Variants in VWC2 observed in about 807,000 individuals in gnomAD.
The protein encoded by VWC2 is brorin.
VWC2 carries 14 observed loss-of-function variants against 29.8 expected under a neutral mutation model. The ratio of observed to expected loss-of-function variants is 0.47; its 90% confidence interval spans 0.31 to 0.74. The LOEUF (loss-of-function observed/expected upper bound fraction) is 0.74, where lower values mean the gene tolerates loss of function less well. VWC2 is among the 30% of genes least tolerant of loss of function. The probability of loss-of-function intolerance (pLI) is 0.05; values close to 1 mark genes in which losing one functional copy is unlikely to be tolerated. For missense variants in VWC2, 457 were observed against 459.8 expected, an observed-to-expected ratio of 0.99 and a Z score of 0.05; for synonymous variants, 213 against 199.0, an observed-to-expected ratio of 1.07 and a Z score of -0.59.
intron 3 of VWC2, among the ~76,000 whole-genome samples, chr7:49,899,615 A>C (rs1011695245): frequency 1.3e-5 from 2 of 152,056 alleles, no homozygotes; most frequent in Non-Finnish European, 2.9e-5. Flanking sequence ...CAATTATTCA[A>C]GAAGACACAC....
chr7:49,778,545 G>T (rs752616570), intron 2 of VWC2, among the ~76,000 whole-genome samples: 1 of 152,196 alleles, frequency 6.6e-6, no homozygotes, highest in Non-Finnish European at 1.5e-5. Flanking sequence ...ACATTTCTAG[G>T]CATTCTGCTA....
chr7:49,827,049 C>A (rs974869005), intron 3 of VWC2, among the ~76,000 whole-genome samples: 1 of 152,018 alleles, frequency 6.6e-6, no homozygotes, highest in Admixed American at 6.5e-5. Context: ...TAAGAATACA[C>A]ATTTCATTTT....
At chr7:49,878,829 A>G (rs1221648124) in intron 3 of VWC2, among the ~76,000 whole-genome samples, 1 of 152,196 alleles carries the variant, frequency 6.6e-6, no homozygotes, top group African/African-American at 2.4e-5. Context: ...GTTGGAACAC[A>G]GCTACAGTTG....
At chr7:49,774,370 A>G (rs982161070) in intron 1 of VWC2, among the ~76,000 whole-genome samples, 4 of 152,144 alleles carry the variant, frequency 2.6e-5, no homozygotes, top group African/African-American at 4.8e-5. Flanking sequence ...CGGAGTGCGC[A>G]GAGTGGGGGC....
At chr7:49,866,947 GA>G (rs1790917338) in intron 3 of VWC2, among the ~76,000 whole-genome samples, 1 of 152,204 alleles carries the variant, frequency 6.6e-6, no homozygotes, top group Non-Finnish European at 1.5e-5. Flanking sequence ...CACAGACCCA[GA>G]AGCCCACCTG....
intron 3 of VWC2, among the ~76,000 whole-genome samples, chr7:49,864,847 T>C (rs1790812345): frequency 6.6e-6 from 1 of 152,196 alleles, no homozygotes; most frequent in Admixed American, 6.5e-5. Context: ...CCTCAAAGCT[T>C]TCCTGCCATT....
At chr7:49,782,996 G>T (rs1203764751) in intron 2 of VWC2, among the ~76,000 whole-genome samples, 2 of 152,204 alleles carry the variant, frequency 1.3e-5, no homozygotes, top group African/African-American at 2.4e-5. Context: ...GACAAGTTCT[G>T]CAGAGTGTGC....
At chr7:49,857,180 C>A (rs1790460558) in intron 3 of VWC2, among the ~76,000 whole-genome samples, 1 of 152,108 alleles carries the variant, frequency 6.6e-6, no homozygotes, top group African/African-American at 2.4e-5. Flanking sequence ...CAACAACTTT[C>A]TACTTACCCC....
At chr7:49,899,261 G>A (rs1792575586) in intron 3 of VWC2, among the ~76,000 whole-genome samples, 1 of 151,990 alleles carries the variant, frequency 6.6e-6, no homozygotes, top group Non-Finnish European at 1.5e-5. Context: ...TAGACAAGGG[G>A]ATGATTTATG....
intron 3 of VWC2, among the ~76,000 whole-genome samples, chr7:49,892,852 C>G (rs965384696): frequency 6.6e-6 from 1 of 152,172 alleles, no homozygotes; most frequent in Non-Finnish European, 1.5e-5. Flanking sequence ...CTTCTATGGT[C>G]AAGTGAATTT....
chr7:49,911,417 G>A (rs957222557), intron 3 of VWC2, among the ~76,000 whole-genome samples: 8 of 147,302 alleles, frequency 5.4e-5, no homozygotes, highest in African/African-American at 1.0e-4. Context: ...CGGAGGCAGA[G>A]GTTGCAGTGA....
Position 49,918,283 on chromosome 7 carries a change from G to A in VWC2, c.*6098G>A, listed in dbSNP as rs371245385. 4 of 152,246 alleles carry A rather than the reference G, an allele frequency of 2.6e-5. No homozygotes were observed. The East Asian group carries it at 5.8e-4, about 22-fold the overall frequency. 9.4% of individuals were successfully genotyped at this position (152,246 alleles called of 1,614,324 possible). ...GAATCCAAATCTGCTTTATATCAGA[G>A]CCCGTGATTTGAAGTCTTATCATTT... On this transcript the variant is annotated 3_prime_UTR_variant, in exon 4 of 4. Coordinates refer to ENST00000340652, the MANE Select transcript of VWC2 (RefSeq NM_198570.5).
chr7:49,789,174 A>G (rs964614459), intron 2 of VWC2, among the ~76,000 whole-genome samples: 1 of 121,576 alleles, frequency 8.2e-6, no homozygotes, highest in Non-Finnish European at 1.7e-5. Context: ...TGTGTGTGTT[A>G]GCATGTGTGT....
intron 3 of VWC2, among the ~76,000 whole-genome samples, chr7:49,876,967 T>A (rs1791437865): frequency 6.6e-6 from 1 of 152,058 alleles, no homozygotes; most frequent in Non-Finnish European, 1.5e-5. Context: ...GTCTTCAAGA[T>A]TCAAATATAT....
intron 3 of VWC2, among the ~76,000 whole-genome samples, chr7:49,906,687 T>G (rs555552455): frequency 6.6e-6 from 1 of 152,270 alleles, no homozygotes; most frequent in South Asian, 2.1e-4. Flanking sequence ...TACCAAGAAT[T>G]ATTATTTTCT....
At chr7:49,898,979 T>C (rs561567660) in intron 3 of VWC2, among the ~76,000 whole-genome samples, 106 of 152,036 alleles carry the variant, frequency 7.0e-4, no homozygotes, top group African/African-American at 2.4e-3. Context: ...GTGAGAAATA[T>C]GGCAGATATT....
intron 3 of VWC2, among the ~76,000 whole-genome samples, chr7:49,857,789 A>C (rs1451451506): frequency 6.6e-6 from 1 of 152,194 alleles, no homozygotes; most frequent in Non-Finnish European, 1.5e-5. Flanking sequence ...CTACAGTCTC[A>C]CTTCTGGGTA....
At position 49,914,595 on chromosome 7, in the gene VWC2, C is replaced by T. The variant is rs946488418; in HGVS notation, c.*2410C>T. 2 of 152,078 alleles carry T rather than the reference C, an allele frequency of 1.3e-5. No individual in the cohort carries two copies. Among genetic ancestry groups the T allele is most frequent in the South Asian group, 4.2e-4 (2 of 4,818 alleles). The allele number at this position is 152,078 out of a possible 1,614,324, so 9.4% of individuals were successfully genotyped here. On this transcript the variant is annotated 3_prime_UTR_variant, in exon 4 of 4. Transcript: ENST00000340652. Reference sequence around the variant, plus strand: ...TTGGATTTTTGACACTGTATATACTCATTAATAATAATGGCATTATTTGCA... The same window carrying T: ...TTGGATTTTTGACACTGTATATACTTATTAATAATAATGGCATTATTTGCA...
intron 3 of VWC2, among the ~76,000 whole-genome samples, chr7:49,891,750 A>G (rs926368549): frequency 2.0e-5 from 3 of 151,972 alleles, no homozygotes; most frequent in South Asian, 4.1e-4. Flanking sequence ...CTGTGACCCA[A>G]CTCTTCCATT....
Sources: allele counts gnomAD v4.1 joint callset (sites outside exome capture counted in the v4.1 genomes callset), GRCh38; gene constraint gnomAD v4.1.1; transcripts MANE v1.5; gene names NCBI Gene and HGNC (gene_info 2026-07-23, HGNC 2026-07-21).